The following NEXN variants were observed in gnomAD, a reference collection of about 807,000 sequenced individuals.
The protein encoded by NEXN is nexilin.
In NEXN, 65 loss-of-function variants were observed where a neutral mutation model predicts 92.6. The observed-to-expected ratio is 0.70, with a 90% CI of 0.57 to 0.86. The LOEUF (loss-of-function observed/expected upper bound fraction) is 0.86, where lower values mean the gene tolerates loss of function less well. Ranked by LOEUF, NEXN falls within the 40% of genes least tolerant of loss-of-function variation. The pLI is 0.00. For missense variants in NEXN, 778 were observed against 771.1 expected (o/e 1.01, Z -0.11); for synonymous variants, 254 against 242.5 (o/e 1.05, Z -0.44).
chr1:77,896,170 C>A (rs867555789), intron 1 of NEXN, among the ~76,000 whole-genome samples: 64 of 144,348 alleles, frequency 4.4e-4, no homozygotes, highest in Non-Finnish European at 6.8e-4. Flanking sequence ...GACTTTGTCT[C>A]AATAAATAAA....
Position 77,942,549 on chromosome 1 carries a change from G to A in NEXN, c.1748G>A (p.Trp583Ter). 4 of 1,613,874 alleles carry A rather than the reference G, an allele frequency of 2.5e-6. No individual in the cohort carries two copies. Among genetic ancestry groups the A allele is most frequent in the South Asian group, 1.1e-5 (1 of 91,070 alleles). Residue 583 changes from tryptophan (W) to a stop codon, truncating the protein, a stop_gained, in exon 13 of 13, where the codon TGG (tryptophan) becomes TAG (stop). Coordinates refer to ENST00000334785, the MANE Select transcript of NEXN (RefSeq NM_144573.4). LOFTEE classifies it high-confidence loss of function. ...DEEQTRSGAP[W>*]FKKPLKNTSV... ...GAGCAAACCAGATCAGGAGCTCCAT[G>A]GTTCAAGAAGCCTCTTAAAAACACA...
chr1:77,937,361 C>G (rs1205765360), intron 11 of NEXN, among the ~76,000 whole-genome samples: 1 of 151,556 alleles, frequency 6.6e-6, no homozygotes, highest in Non-Finnish European at 1.5e-5. Context: ...CTGGATCATG[C>G]TGAAGCTATA....
Position 77,935,975 on chromosome 1 carries a change from A to G in NEXN, c.1404A>G (p.Glu468=). The G allele has an allele frequency of 6.2e-7, 1 of 1,614,022 alleles. No homozygotes were observed. Among genetic ancestry groups the G allele is most frequent in the Non-Finnish European group, 8.5e-7 (1 of 1,179,986 alleles). Residue 468 remains glutamate, a synonymous_variant, in exon 11 of 13, where the codon GAA becomes GAG. Coordinates refer to ENST00000334785, the MANE Select transcript of NEXN (RefSeq NM_144573.4). The part of the protein sequence containing the change: ...LSEKEIQKKI[E]EERARRRAID... The stretch of plus-strand genomic sequence containing the variant: ...AAAAAGAAATACAGAAAAAAATAGA[A>G]GAAGAGCGAGCAAGAAGGAGAGCAA...
intron 11 of NEXN, among the ~76,000 whole-genome samples, chr1:77,940,834 T>C (rs1319856857): frequency 6.6e-6 from 1 of 152,212 alleles, no homozygotes; most frequent in East Asian, 1.9e-4. Flanking sequence ...ATTCATTCAT[T>C]AGCAACAACC....
intron 9 of NEXN, 72 bp downstream of exon 9, chr1:77,929,576 T>A: frequency 6.3e-7 from 1 of 1,575,912 alleles, no homozygotes; most frequent in Non-Finnish European, 8.7e-7. Flanking sequence ...ATCATTAGAC[T>A]TTAGAGAATA....
At chr1:77,904,160 T>G (rs1412896980) in intron 1 of NEXN, among the ~76,000 whole-genome samples, 6 of 152,042 alleles carry the variant, frequency 3.9e-5, no homozygotes, top group Admixed American at 3.3e-4. Context: ...ACCCAGCTAA[T>G]TTTTGTATTT....
intron 9 of NEXN, among the ~76,000 whole-genome samples, chr1:77,931,231 C>CAAAAAAAAAAAAAAAAAAAAAAAAAA (rs367898061): frequency 8.3e-6 from 1 of 120,568 alleles, no homozygotes; most frequent in Admixed American, 8.6e-5. Flanking sequence ...ACTAAAAATA[C>CAAAAAAAAAAAAAAAAAAAAAAAAAA]AAAAAAAAAA....
At chr1:77,924,097 C>T (rs138759470) in intron 5 of NEXN, 1,855 of 155,358 alleles carry the variant, frequency 0.012, 28 homozygotes, top group African/African-American at 0.04. Flanking sequence ...CATGGTGGCT[C>T]ACGCCTGTAA....
intron 12 of NEXN, 65 bp downstream of exon 12, chr1:77,942,273 A>C: frequency 6.5e-7 from 1 of 1,532,898 alleles, no homozygotes; most frequent in Non-Finnish European, 9.0e-7. Flanking sequence ...TTTTATAATT[A>C]GGTAGGTTAA....
chr1:77,911,758 T>C (rs1230078765), intron 1 of NEXN, among the ~76,000 whole-genome samples: 1 of 117,054 alleles, frequency 8.5e-6, no homozygotes, highest in Non-Finnish European at 1.8e-5. Context: ...TATATATATA[T>C]ATACACATAT....
intron 1 of NEXN, among the ~76,000 whole-genome samples, chr1:77,898,078 A>G (rs1647380245): frequency 6.6e-6 from 1 of 151,730 alleles, no homozygotes; most frequent in South Asian, 2.1e-4. Context: ...GAAAATGGCC[A>G]TACTGCCCAA....
At chr1:77,934,345 A>G (rs940158770) in intron 10 of NEXN, among the ~76,000 whole-genome samples, 3 of 151,824 alleles carry the variant, frequency 2.0e-5, no homozygotes, top group Non-Finnish European at 4.4e-5. Flanking sequence ...GGGTGATCGC[A>G]CTTTATTGCC....
intron 11 of NEXN, among the ~76,000 whole-genome samples, chr1:77,938,530 T>A (rs1277622554): frequency 6.9e-6 from 1 of 144,838 alleles, no homozygotes; most frequent in African/African-American, 2.6e-5. Flanking sequence ...GGGTCTATAG[T>A]CCCAGCTACT....
intron 1 of NEXN, among the ~76,000 whole-genome samples, chr1:77,892,994 G>A (rs1434329530): frequency 1.3e-5 from 2 of 151,748 alleles, no homozygotes; most frequent in Admixed American, 1.3e-4. Context: ...AGCCTCCTGA[G>A]TAGCTAGGAC....
At chr1:77,942,320 A>G (rs1651415913) in intron 12 of NEXN, 112 bp downstream of exon 12, 2 of 1,368,352 alleles carry the variant, frequency 1.5e-6, no homozygotes, top group Non-Finnish European at 2.1e-6. Context: ...AGTCACTGGA[A>G]TGTACTGTTA....
chr1:77,889,995 C>A (rs1010890905), intron 1 of NEXN, among the ~76,000 whole-genome samples: 5 of 152,132 alleles, frequency 3.3e-5, no homozygotes, highest in African/African-American at 1.2e-4. Flanking sequence ...AAACATTATC[C>A]TTTACAGGTT....
intron 9 of NEXN, chr1:77,931,651 A>C (rs1436704804): frequency 1.3e-5 from 2 of 152,192 alleles, no homozygotes; most frequent in African/African-American, 2.4e-5. Flanking sequence ...TCTTATCCAC[A>C]AATAAGTATT....
In NEXN at chr1:77,907,079, T is replaced by C. The variant is rs985981964; in HGVS notation, c.-52-8976T>C. On this transcript the variant is annotated intron_variant, in intron 1 of 12. Transcript: ENST00000334785. ...CGGTAAAGACTTAACAAATGTTAAC[T>C]TGGATTATCTTCATCATTAATTTTA... Among the ~76,000 whole-genome samples the C allele has an allele frequency of 3.3e-4, 51 of 152,348 alleles. 1 individual carries two copies. The highest frequency in any genetic ancestry group is 1.1e-3 in the African/African-American group (47 of 41,574).
At chr1:77,911,451 G>T (rs1002511780) in intron 1 of NEXN, among the ~76,000 whole-genome samples, 6 of 151,794 alleles carry the variant, frequency 4.0e-5, no homozygotes, top group African/African-American at 1.5e-4. Context: ...AATTAGCCAG[G>T]CATAGTGGCG....
Sources: allele counts gnomAD v4.1 joint callset (sites outside exome capture counted in the v4.1 genomes callset), GRCh38; gene constraint gnomAD v4.1.1; transcripts MANE v1.5; gene names NCBI Gene and HGNC (gene_info 2026-07-23, HGNC 2026-07-21).